XKR4: variants seen among roughly 807,000 people sequenced by gnomAD.
XKR4 encodes the protein XK related 4, also known as XK-related protein 4.
In XKR4, 12 loss-of-function variants were observed where a neutral mutation model predicts 53.9. The observed-to-expected ratio is 0.22, with a 90% CI of 0.14 to 0.36. The LOEUF is 0.36. Among genes scored for constraint, XKR4 ranks in the 10% least tolerant of loss-of-function variants. The pLI is 1.00. For synonymous variants in XKR4, 354 were observed against 362.4 expected, an observed-to-expected ratio of 0.98 and a Z score of 0.26; for missense variants, 799 against 859.5, an observed-to-expected ratio of 0.93 and a Z score of 0.88.
At chr8:55,510,206 C>T (rs562886640) in intron 2 of XKR4, among the ~76,000 whole-genome samples, 3 of 152,180 alleles carry the variant, frequency 2.0e-5, no homozygotes, top group East Asian at 1.9e-4. Flanking sequence ...AGGGACAAAA[C>T]GGCTTCCTGA....
At chr8:55,280,183 C>T (rs1818822238) in intron 1 of XKR4, among the ~76,000 whole-genome samples, 1 of 152,126 alleles carries the variant, frequency 6.6e-6, no homozygotes, top group African/African-American at 2.4e-5. Flanking sequence ...CCTGACCAAA[C>T]GTTGTGTTGC....
chr8:55,479,045 C>A (rs537849717), intron 2 of XKR4, among the ~76,000 whole-genome samples: 1 of 152,032 alleles, frequency 6.6e-6, no homozygotes, highest in Admixed American at 6.6e-5. Context: ...CTGCACCACG[C>A]GGACCTAATA....
intron 1 of XKR4, among the ~76,000 whole-genome samples, chr8:55,267,230 A>T (rs940062806): frequency 6.6e-6 from 1 of 152,212 alleles, no homozygotes; most frequent in African/African-American, 2.4e-5. Flanking sequence ...TAGAGAAAAA[A>T]AAACCTATGG....
intron 1 of XKR4, among the ~76,000 whole-genome samples, chr8:55,154,582 C>T (rs1171364145): frequency 1.3e-5 from 2 of 152,176 alleles, no homozygotes; most frequent in Non-Finnish European, 2.9e-5. Context: ...TTAACCTGCA[C>T]CCATTTGCCT....
At chr8:55,117,768 C>T (rs1816331163) in intron 1 of XKR4, among the ~76,000 whole-genome samples, 1 of 152,138 alleles carries the variant, frequency 6.6e-6, no homozygotes, top group Admixed American at 6.5e-5. Flanking sequence ...TAATCCAAGA[C>T]TCACCTGGAG....
In XKR4 at chr8:55,529,409, G is replaced by C. The variant is rs1309885470; in HGVS notation, c.*5182G>C. On this transcript the variant is annotated 3_prime_UTR_variant, in exon 3 of 3. Transcript: ENST00000327381. ...GCTGCCTAAATCAAGTTTTGCTTTT[G>C]GTTATTTCACTTCCCCATAGACTTT... The C allele has an allele frequency of 1.3e-5, 2 of 152,112 alleles. No homozygotes were observed. The highest frequency in any genetic ancestry group is 2.9e-5 in the Non-Finnish European group (2 of 68,036). 9.4% of individuals were successfully genotyped at this position (152,112 alleles called of 1,614,324 possible).
intron 1 of XKR4, among the ~76,000 whole-genome samples, chr8:55,353,093 A>G (rs936997513): frequency 1.3e-5 from 2 of 152,192 alleles, no homozygotes; most frequent in Non-Finnish European, 2.9e-5. Context: ...GGAGTTTGAG[A>G]TGCAGACTTG....
chr8:55,261,731 G>A (rs534008375), intron 1 of XKR4, among the ~76,000 whole-genome samples: 1 of 152,252 alleles, frequency 6.6e-6, no homozygotes, highest in South Asian at 2.1e-4. Flanking sequence ...ATTTCCTTCT[G>A]TAAATATCAC....
At chr8:55,376,875 CCTCTCTCT>C (rs144607620) in intron 2 of XKR4, among the ~76,000 whole-genome samples, 2 of 148,002 alleles carry the variant, frequency 1.4e-5, no homozygotes, top group African/African-American at 2.5e-5. Context: ...CATCTCTCAC[CCTCTCTCT>C]CTCTCTCTCT....
At chr8:55,462,695 T>C (rs1805681609) in intron 2 of XKR4, among the ~76,000 whole-genome samples, 2 of 151,738 alleles carry the variant, frequency 1.3e-5, no homozygotes, top group Non-Finnish European at 1.5e-5. Context: ...GGGTAAAGAG[T>C]CAAGACCCAT....
intron 1 of XKR4, among the ~76,000 whole-genome samples, chr8:55,335,962 T>C (rs1166352918): frequency 1.3e-5 from 2 of 151,670 alleles, no homozygotes; most frequent in Admixed American, 6.6e-5. Flanking sequence ...TGAGTTAATT[T>C]TGGATTATCT....
intron 2 of XKR4, among the ~76,000 whole-genome samples, chr8:55,388,811 G>T (rs1804391728): frequency 6.6e-6 from 1 of 152,172 alleles, no homozygotes; most frequent in South Asian, 2.1e-4. Flanking sequence ...TCCCTATTCA[G>T]ATCTGTTATC....
chr8:55,495,104 A>G (rs1430648616), intron 2 of XKR4, among the ~76,000 whole-genome samples: 1 of 152,146 alleles, frequency 6.6e-6, no homozygotes, highest in Non-Finnish European at 1.5e-5. Context: ...GGGCTGAGGT[A>G]GCAGGGAGCT....
chr8:55,295,807 C>CT (rs1819094070), intron 1 of XKR4, among the ~76,000 whole-genome samples: 1 of 147,868 alleles, frequency 6.8e-6, no homozygotes, highest in African/African-American at 2.7e-5. Context: ...TCTTGACGAG[C>CT]TTATAAATGG....
At chr8:55,172,252 A>T (rs1817171278) in intron 1 of XKR4, among the ~76,000 whole-genome samples, 1 of 151,804 alleles carries the variant, frequency 6.6e-6, no homozygotes. Flanking sequence ...CTTACAGGAT[A>T]TAGGCCTTAG....
intron 1 of XKR4, among the ~76,000 whole-genome samples, chr8:55,108,959 T>C (rs1286956104): frequency 6.6e-6 from 1 of 152,110 alleles, no homozygotes; most frequent in East Asian, 1.9e-4. Context: ...TGGCTGATGG[T>C]ACTGAGGATG....
intron 1 of XKR4, among the ~76,000 whole-genome samples, chr8:55,318,144 G>A (rs1803140213): frequency 6.6e-6 from 1 of 152,080 alleles, no homozygotes; most frequent in Non-Finnish European, 1.5e-5. Flanking sequence ...TAGGGTTACT[G>A]GGAGACAGGC....
chr8:55,367,133 C>A (rs549677031), intron 2 of XKR4, among the ~76,000 whole-genome samples: 43 of 152,100 alleles, frequency 2.8e-4, no homozygotes, highest in African/African-American at 1.0e-3. Context: ...GCTCTTACCC[C>A]CTCCTTCCCT....
chr8:55,159,627 A>C (rs546036763), intron 1 of XKR4, among the ~76,000 whole-genome samples: 1 of 152,346 alleles, frequency 6.6e-6, no homozygotes, highest in Non-Finnish European at 1.5e-5. Flanking sequence ...TGGGATGAGG[A>C]ATGACTTGTA....
Sources: allele counts gnomAD v4.1 joint callset (sites outside exome capture counted in the v4.1 genomes callset), GRCh38; gene constraint gnomAD v4.1.1; transcripts MANE v1.5; gene names NCBI Gene and HGNC (gene_info 2026-07-23, HGNC 2026-07-21).